Variants in NUP214 observed in about 807,000 individuals in gnomAD.
NUP214 encodes nuclear pore complex protein Nup214.
NUP214 carries 79 observed loss-of-function variants against 196.2 expected under a neutral mutation model. The observed-to-expected ratio is 0.40, with a 90% CI of 0.34 to 0.49. The LOEUF (loss-of-function observed/expected upper bound fraction) is 0.49. Among genes scored for constraint, NUP214 ranks in the 20% least tolerant of loss-of-function variants. NUP214 has a pLI of 0.58. For synonymous variants in NUP214, 1,020 were observed against 990.5 expected, an observed-to-expected ratio of 1.03 and a Z score of -0.56; for missense variants, 2,468 against 2,539.0, an observed-to-expected ratio of 0.97 and a Z score of 0.60.
intron 26 of NUP214, chr9:131,190,310 A>G: frequency 1.8e-6 from 1 of 542,398 alleles, no homozygotes; most frequent in Non-Finnish European, 3.2e-6. Flanking sequence ...TTCATTGGAG[A>G]GGTTTTTGTC....
At position 131,134,989 on chromosome 9, in the gene NUP214, G is replaced by A; in HGVS notation, c.923G>A (p.Ser308Asn). 6.2e-7 allele frequency: 1 copy of A among 1,607,714 alleles called. No individual in the cohort carries two copies. The change falls in exon 8 of 36, where the codon AGT becomes AAT. Residue 308 changes from serine (S) to asparagine (N), a missense_variant. Around this residue, in one of 5 missense-constraint regions of NUP214, gnomAD observed 392 missense variants for 417.9 expected, o/e 0.94. Coordinates refer to ENST00000359428, the MANE Select transcript of NUP214 (RefSeq NM_005085.4). ...CTERQHHYYL[S>N]YIEEWDLVLA... ...GAGAGACAGCATCATTACTACCTCAGTTACATTGAGGAATGGTGAGCAGAG... is the reference window on the plus strand; with the variant it reads ...GAGAGACAGCATCATTACTACCTCAATTACATTGAGGAATGGTGAGCAGAG...
At chr9:131,142,166 G>A (rs1313513411) in intron 11 of NUP214, among the ~76,000 whole-genome samples, 1 of 152,114 alleles carries the variant, frequency 6.6e-6, no homozygotes, top group African/African-American at 2.4e-5. Context: ...CATGAATAAG[G>A]GTACCATGAA....
chr9:131,159,859 A>G (rs1056653035), intron 18 of NUP214, among the ~76,000 whole-genome samples: 2 of 144,154 alleles, frequency 1.4e-5, no homozygotes, highest in South Asian at 4.3e-4. Flanking sequence ...TTCCCATCTC[A>G]AAAAAAAAAA....
rs1238893884 is a variant in NUP214 at position 131,130,851 on chromosome 9, T to TA, written c.663+15_663+16insA. 1 of 1,610,244 alleles carries TA rather than the reference T, an allele frequency of 6.2e-7. No homozygotes were observed. Among genetic ancestry groups the TA allele is most frequent in the Non-Finnish European group, 8.5e-7 (1 of 1,176,940 alleles). ...AGTATCTTCCTGTAAGTTCTTATCT[T>TA]GAACTTCAGAATTTTTCTTAAGTTG... On this transcript the variant is annotated intron_variant, in intron 5 of 35. Coordinates refer to ENST00000359428, the MANE Select transcript of NUP214 (RefSeq NM_005085.4).
intron 17 of NUP214, among the ~76,000 whole-genome samples, 165 bp downstream of exon 17, chr9:131,152,059 A>G (rs964091271): frequency 1.3e-5 from 2 of 152,264 alleles, no homozygotes; most frequent in Non-Finnish European, 2.9e-5. Flanking sequence ...TGTGGCAAAC[A>G]GTACACTTCA....
chr9:131,129,411 G>C lies in NUP214; in HGVS notation c.526G>C (p.Val176Leu). The C allele has an allele frequency of 6.2e-7, 1 of 1,614,218 alleles. No homozygotes were observed. Among genetic ancestry groups the C allele is most frequent in the Non-Finnish European group, 8.5e-7 (1 of 1,180,032 alleles). The change falls in exon 4 of 36, where the codon GTC becomes CTC. Residue 176 changes from valine (V) to leucine (L), a missense_variant. Val to Leu is a conservative substitution (Grantham distance 32, BLOSUM62 1). Around this residue, in one of 5 missense-constraint regions of NUP214, gnomAD observed 392 missense variants for 417.9 expected, o/e 0.94. Coordinates refer to ENST00000359428, the MANE Select transcript of NUP214 (RefSeq NM_005085.4). ...AVCLADGSIA[V>L]LQVTETVKVC... is the part of the protein sequence containing the mutation. ...TTGTCTGGCTGATGGTAGTATTGCT[G>C]TCCTGCAAGTCACGGAAACAGTGAA...
chr9:131,215,395 C>T (rs776371614), intron 31 of NUP214, 27 bp downstream of exon 31: 1 of 1,528,772 alleles, frequency 6.5e-7, no homozygotes, highest in East Asian at 2.5e-5. Context: ...TTTCCCAGTC[C>T]CTTGGTCCCC....
intron 33 of NUP214, chr9:131,229,457 G>A: frequency 3.0e-6 from 1 of 334,640 alleles, no homozygotes; most frequent in Non-Finnish European, 5.8e-6. Context: ...CAGTACCACA[G>A]AGTTGGTAGA....
At chr9:131,176,518 A>G (rs1043612129) in intron 23 of NUP214, among the ~76,000 whole-genome samples, 2 of 151,968 alleles carry the variant, frequency 1.3e-5, no homozygotes, top group African/African-American at 4.8e-5. Flanking sequence ...TTGTAGAGAC[A>G]GGATTTCACC....
chr9:131,194,266 TGAA>T (rs1833712626), intron 27 of NUP214: 1 of 150,582 alleles, frequency 6.6e-6, no homozygotes, highest in Non-Finnish European at 1.5e-5. Context: ...CCCCCAGGAC[TGAA>T]GTGATCCTCC....
chr9:131,154,825 T>TTGTG (rs79188142), intron 17 of NUP214, among the ~76,000 whole-genome samples: 83 of 151,662 alleles, frequency 5.5e-4, no homozygotes, highest in African/African-American at 1.9e-3. Flanking sequence ...GTAGTAGTAG[T>TTGTG]TGTGTGTGTG....
At chr9:131,231,718 T>C (rs1834883851) in intron 34 of NUP214, among the ~76,000 whole-genome samples, 1 of 151,918 alleles carries the variant, frequency 6.6e-6, no homozygotes, top group African/African-American at 2.4e-5. Context: ...AATATGTGTC[T>C]TCCATTTTGT....
chr9:131,216,222 TTTTTTTTC>T (rs1428704701), intron 31 of NUP214, among the ~76,000 whole-genome samples: 2 of 149,842 alleles, frequency 1.3e-5, no homozygotes, highest in Non-Finnish European at 3.0e-5. Context: ...TCTTTTTTTT[TTTTTTTTC>T]TTTTTTCTTT....
At chr9:131,210,744 C>T (rs558443823) in intron 30 of NUP214, among the ~76,000 whole-genome samples, 3 of 151,636 alleles carry the variant, frequency 2.0e-5, no homozygotes, top group South Asian at 2.1e-4. Flanking sequence ...ACAGTGAACT[C>T]GAAGACGTAT....
rs182787934 is a variant in NUP214 at position 131,173,955 on chromosome 9, A to C, written c.2894-100A>C. On this transcript the variant is annotated intron_variant, in intron 21 of 35. Coordinates refer to ENST00000359428, the MANE Select transcript of NUP214 (RefSeq NM_005085.4). ...AAATAAGTAATAATTAAATCATTTT[A>C]CAAGTTGAGTATTTTTTTTTTTTAT... 550 of 1,372,968 alleles carry C rather than the reference A, an allele frequency of 4.0e-4. 4 individuals carry two copies. The African/African-American group carries it at 6.9e-3, about 17-fold the overall frequency. 85.0% of individuals were successfully genotyped at this position (1,372,968 alleles called of 1,614,324 possible). A position where few individuals can be genotyped will look rare whatever the true frequency, so the allele number is the denominator to read the frequency against.
At chr9:131,192,982 G>C (rs1229145380) in intron 27 of NUP214, among the ~76,000 whole-genome samples, 1 of 143,242 alleles carries the variant, frequency 7.0e-6, no homozygotes, top group East Asian at 2.0e-4. Flanking sequence ...TTACTGCATC[G>C]AGAGTACAGT....
chr9:131,181,013 T>C (rs1339453344), intron 24 of NUP214, among the ~76,000 whole-genome samples: 1 of 152,106 alleles, frequency 6.6e-6, no homozygotes, highest in Non-Finnish European at 1.5e-5. Context: ...ATATGTAATA[T>C]ATTAGATGGT....
At chr9:131,131,401 G>A (rs1422877600) in intron 5 of NUP214, among the ~76,000 whole-genome samples, 1 of 152,206 alleles carries the variant, frequency 6.6e-6, no homozygotes, top group Non-Finnish European at 1.5e-5. Context: ...GAGTTGCAAG[G>A]AACCCCCATA....
chr9:131,176,263 T>C lies in NUP214; in HGVS notation c.3319+642T>C, dbSNP rs997031410. ...CCAATAAGTAGCAGAACCCAGACTC[T>C]AACCCTCTGCTCTTTTTCAGTTGAG... On this transcript the variant is annotated intron_variant, in intron 23 of 35. Transcript: ENST00000359428. Among the ~76,000 whole-genome samples, 3 of 152,268 alleles carry C rather than the reference T, an allele frequency of 2.0e-5. No homozygotes were observed. The East Asian group carries it at 5.8e-4, about 29-fold the overall frequency.
Sources: allele counts gnomAD v4.1 joint callset (sites outside exome capture counted in the v4.1 genomes callset), GRCh38; gene constraint gnomAD v4.1.1; regional missense constraint gnomAD v4.1.1; transcripts MANE v1.5; gene names NCBI Gene and HGNC (gene_info 2026-07-23, HGNC 2026-07-21).